Variants in CAPN14 observed in about 807,000 individuals in gnomAD.
The protein encoded by CAPN14 is calpain 14, also known as calpain-14.
CAPN14 carries 94 observed loss-of-function variants against 101.3 expected under a neutral mutation model. That is an observed-to-expected ratio of 0.93 (90% confidence interval 0.79 to 1.10). The LOEUF (loss-of-function observed/expected upper bound fraction) is 1.10. Among genes scored for constraint, CAPN14 ranks in the 50% least tolerant of loss-of-function variants. The pLI, the probability that CAPN14 is intolerant of heterozygous loss-of-function variation, is 0.00. For synonymous variants in CAPN14, 338 were observed against 317.9 expected, an observed-to-expected ratio of 1.06 and a Z score of -0.67; for missense variants, 837 against 828.4, an observed-to-expected ratio of 1.01 and a Z score of -0.13.
chr2:31,180,965 CTT>C lies in CAPN14; in HGVS notation c.1679_1680del (p.Glu560GlyfsTer12). On this transcript the variant is annotated frameshift_variant, in exon 17 of 22. Coordinates refer to ENST00000403897, the MANE Select transcript of CAPN14 (RefSeq NM_001145122.2). LOFTEE classifies it high-confidence loss of function. ...LGSRQPFFSL[E>X]ACQGILALLD... The stretch of plus-strand genomic sequence containing the variant: ...AGTAAGGCCAGGATCCCCTGGCAGG[CTT>C]CCAGGCTAAAGAAGGGCTGTCTGCT... 1 of 1,551,822 alleles carries C rather than the reference CTT, an allele frequency of 6.4e-7. No individual in the cohort carries two copies. The highest frequency in any genetic ancestry group is 8.7e-7 in the Non-Finnish European group (1 of 1,146,998).
rs1681051866 is a variant in CAPN14 at position 31,189,131 on chromosome 2, A to G, written c.1493+142T>C. The G allele has an allele frequency of 1.1e-5, 8 of 710,626 alleles. No individual in the cohort carries two copies. In the East Asian group the frequency reaches 1.9e-4, roughly 17 times the overall value. 44.0% of individuals were successfully genotyped at this position (710,626 alleles called of 1,614,324 possible). On this transcript the variant is annotated intron_variant, in intron 13 of 21. Coordinates refer to ENST00000403897, the MANE Select transcript of CAPN14 (RefSeq NM_001145122.2). ...ACGGGAGGGATGTTCTCCATGCAGA[A>G]AGTCACCTGGTCTCCTGCTCTCCCC...
intron 1 of CAPN14, among the ~76,000 whole-genome samples, chr2:31,228,025 G>C (rs1156872098): frequency 6.6e-6 from 1 of 152,216 alleles, no homozygotes; most frequent in East Asian, 1.9e-4. Context: ...GAAGACTGAG[G>C]CTGAAGACAG....
chr2:31,232,025 CG>C (rs1200932145), intron 1 of CAPN14, among the ~76,000 whole-genome samples: 1 of 152,120 alleles, frequency 6.6e-6, no homozygotes, highest in Non-Finnish European at 1.5e-5. Context: ...AGGAGGGAGT[CG>C]GGAGATCTGA....
At chr2:31,205,701 CA>C (rs1282802046) in intron 1 of CAPN14, among the ~76,000 whole-genome samples, 2 of 152,126 alleles carry the variant, frequency 1.3e-5, no homozygotes, top group African/African-American at 4.8e-5. Flanking sequence ...GGTGGGAGAT[CA>C]GGGATCTTGT....
intron 16 of CAPN14, among the ~76,000 whole-genome samples, chr2:31,185,032 A>T (rs1201513524): frequency 6.6e-6 from 1 of 152,354 alleles, no homozygotes; most frequent in East Asian, 1.9e-4. Context: ...ACTACATTTC[A>T]TCTTTTTGGT....
At chr2:31,191,909 C>A in intron 11 of CAPN14, 26 bp downstream of exon 11, 1 of 1,524,432 alleles carries the variant, frequency 6.6e-7, no homozygotes, top group Non-Finnish European at 8.8e-7. Flanking sequence ...TGGTCCCATG[C>A]CCCTGTGGTT....
At chr2:31,177,347 A>T (rs938563186) in intron 19 of CAPN14, among the ~76,000 whole-genome samples, 1 of 152,208 alleles carries the variant, frequency 6.6e-6, no homozygotes, top group African/African-American at 2.4e-5. Context: ...CCTGTCTGTT[A>T]AGGCAACCAG....
intron 1 of CAPN14, among the ~76,000 whole-genome samples, chr2:31,213,969 G>C (rs1489024528): frequency 6.6e-6 from 1 of 152,178 alleles, no homozygotes; most frequent in Non-Finnish European, 1.5e-5. Context: ...TCTGCATTTA[G>C]ATCAAGTTTC....
At position 31,192,001 on chromosome 2, in the gene CAPN14, G is replaced by C. The variant is rs557092023; in HGVS notation, c.1212C>G (p.Leu404=). The C allele has an allele frequency of 3.9e-6, 6 of 1,551,644 alleles. No homozygotes were observed. The African/African-American group carries it at 8.2e-5, about 21-fold the overall frequency. The change falls in exon 11 of 22, where the codon CTC becomes CTG. Residue 404 remains leucine (L), a synonymous_variant. Transcript: ENST00000403897. ...LRPCSVLVSL[L]QKPRHRCRKR... is the part of the protein sequence containing the mutation. ...TGCGGCACCTGTGCCTGGGCTTCTG[G>C]AGCAGGGACACCAGCACGCTGCAGG...
rs534679161 is a variant in CAPN14 at position 31,208,038 on chromosome 2, G to A, written c.-52-2539C>T. 1.1e-4 allele frequency among the ~76,000 whole-genome samples: 17 copies of A among 152,190 alleles called. No homozygotes were observed. The South Asian group carries it at 3.1e-3, about 28-fold the overall frequency. On this transcript the variant is annotated intron_variant, in intron 1 of 21. Coordinates refer to ENST00000403897, the MANE Select transcript of CAPN14 (RefSeq NM_001145122.2). The stretch of plus-strand genomic sequence containing the variant: ...TTACCTCTGAGAGCTGAGGGCAGTC[G>A]ATTCCTGGCTATTCTTATTTGTCAC...
intron 11 of CAPN14, 40 bp downstream of exon 11, chr2:31,191,895 C>T (rs751481482): frequency 2.7e-5 from 41 of 1,498,102 alleles, no homozygotes; most frequent in African/African-American, 1.8e-4. Flanking sequence ...GTGACCCCCA[C>T]GCTTGGTCCC....
At chr2:31,201,221 C>A (rs73921586) in intron 5 of CAPN14, among the ~76,000 whole-genome samples, 1 of 148,566 alleles carries the variant, frequency 6.7e-6, no homozygotes, top group African/African-American at 2.5e-5. Context: ...ATGTGTGTGT[C>A]TGTGTTTGCG....
At chr2:31,185,143 A>G (rs571701643) in intron 16 of CAPN14, among the ~76,000 whole-genome samples, 1 of 152,346 alleles carries the variant, frequency 6.6e-6, no homozygotes, top group East Asian at 1.9e-4. Flanking sequence ...CAATAAGCCT[A>G]TATTCCATGT....
intron 8 of CAPN14, 47 bp downstream of exon 8, chr2:31,197,202 G>A (rs1681509267): frequency 7.5e-7 from 1 of 1,339,892 alleles, no homozygotes; most frequent in Non-Finnish European, 1.0e-6. Context: ...AGCCTCCTTT[G>A]CCTAACCTAC....
intron 7 of CAPN14, among the ~76,000 whole-genome samples, chr2:31,198,033 T>C (rs1681557967): frequency 6.6e-6 from 1 of 152,196 alleles, no homozygotes; most frequent in African/African-American, 2.4e-5. Context: ...CCAGTAGACC[T>C]TGTGAAAGGA....
intron 9 of CAPN14, 63 bp from the exon 10 acceptor site, chr2:31,193,357 C>A (rs916069968): frequency 1.2e-5 from 18 of 1,492,430 alleles, no homozygotes; most frequent in Non-Finnish European, 1.5e-5. Context: ...TATCAGGACC[C>A]ATGGGGAGGG....
intron 1 of CAPN14, among the ~76,000 whole-genome samples, chr2:31,229,566 C>T (rs1178312750): frequency 3.3e-5 from 5 of 151,154 alleles, no homozygotes; most frequent in Non-Finnish European, 7.4e-5. Context: ...GTCCCAGCTA[C>T]TTGCGAGGCT....
At chr2:31,228,744 T>C (rs1447393736) in intron 1 of CAPN14, among the ~76,000 whole-genome samples, 3 of 152,232 alleles carry the variant, frequency 2.0e-5, no homozygotes, top group Non-Finnish European at 4.4e-5. Flanking sequence ...GCACTTTACA[T>C]GCACGGTCCC....
At position 31,174,213 on chromosome 2, in the gene CAPN14, T is replaced by C. The variant is rs919550372; in HGVS notation, c.*468A>G. On this transcript the variant is annotated 3_prime_UTR_variant, in exon 22 of 22. Transcript: ENST00000403897. ...AGCTGAAACTTAGCCTATGTCTCTA[T>C]CAATTTGCAGATGCTGGGACTAAAT... The C allele has an allele frequency of 9.4e-5, 17 of 180,062 alleles. No homozygotes were observed. Among genetic ancestry groups the C allele is most frequent in the Admixed American group, 5.8e-5 (1 of 17,254 alleles). The allele number at this position is 180,062 out of a possible 1,614,324, so 11.2% of individuals were successfully genotyped here.
Sources: gnomAD v4.1 joint callset for allele counts (sites outside exome capture counted in the v4.1 genomes callset) on GRCh38, gnomAD v4.1.1 for gene constraint, MANE v1.5 for transcripts, NCBI Gene and HGNC (gene_info 2026-07-23, HGNC 2026-07-21) for gene names.